The following MALRD1 variants were observed in gnomAD, a reference collection of about 807,000 sequenced individuals.
MALRD1 encodes the protein MAM and LDL receptor class A domain containing 1.
In MALRD1, 247 loss-of-function variants were observed where a neutral mutation model predicts 242.1. The observed-to-expected ratio is 1.02, with a 90% confidence interval of 0.92 to 1.13. The LOEUF (loss-of-function observed/expected upper bound fraction) is 1.13. MALRD1 is among the 50% of genes most tolerant of loss of function. The pLI, the probability that MALRD1 is intolerant of heterozygous loss-of-function variation, is 0.00. For missense variants in MALRD1, 2,989 were observed against 2,533.1 expected (o/e 1.18, Z -3.86); for synonymous variants, 995 against 866.6 (o/e 1.15, Z -2.60).
At chr10:19,564,934 T>G (rs1836184783) in intron 32 of MALRD1, among the ~76,000 whole-genome samples, 1 of 152,170 alleles carries the variant, frequency 6.6e-6, no homozygotes, top group African/African-American at 2.4e-5. Flanking sequence ...TAAGCAATGT[T>G]ATGAGTTCCT....
intron 21 of MALRD1, chr10:19,290,191 TC>T (rs1425153402): frequency 6.6e-6 from 1 of 152,202 alleles, no homozygotes; most frequent in African/African-American, 2.4e-5. Context: ...TAATGGACTA[TC>T]CTTGGTACAT....
At chr10:19,059,537 T>A (rs1564365998) in intron 1 of MALRD1, among the ~76,000 whole-genome samples, 1 of 151,882 alleles carries the variant, frequency 6.6e-6, no homozygotes, top group Non-Finnish European at 1.5e-5. Flanking sequence ...CAGATGCATG[T>A]CACTATACGC....
At chr10:19,331,255 A>AAAAAC (rs1356335388) in intron 23 of MALRD1, 114 bp from the exon 24 acceptor site, 8 of 958,744 alleles carry the variant, frequency 8.3e-6, no homozygotes, top group Non-Finnish European at 1.2e-5. Context: ...AAACAAAAAC[A>AAAAAC]AAAAAACAAA....
At chr10:19,454,988 T>C in intron 29 of MALRD1, among the ~76,000 whole-genome samples, 1 of 152,148 alleles carries the variant, frequency 6.6e-6, no homozygotes, top group Admixed American at 6.6e-5. Context: ...TATATTTTTC[T>C]AAAAAGAAAA....
intron 32 of MALRD1, among the ~76,000 whole-genome samples, chr10:19,534,649 A>G (rs7078195): frequency 0.7 from 106,367 of 152,014 alleles, 40,626 homozygotes; most frequent in Non-Finnish European, 0.84. Context: ...ACCATAAAAC[A>G]AATCTTAAAA....
At chr10:19,429,172 C>A (rs573720068) in intron 28 of MALRD1, among the ~76,000 whole-genome samples, 21 of 152,288 alleles carry the variant, frequency 1.4e-4, no homozygotes, top group African/African-American at 5.1e-4. Context: ...TTACTGTTAT[C>A]TTCACGTTAC....
In MALRD1 at chr10:19,578,647, A is replaced by G. The variant is rs540720834; in HGVS notation, c.5680+10944A>G. ...GCGGAGGTTGCAGTGAGCTGAGATC[A>G]TGTCACTGCACTCCAGCCTGGGGGA... On this transcript the variant is annotated intron_variant, in intron 33 of 39. Transcript: ENST00000454679. Among the ~76,000 whole-genome samples, 10 of 151,792 alleles carry G rather than the reference A, an allele frequency of 6.6e-5. No homozygotes were observed. In the South Asian group the frequency reaches 1.9e-3, roughly 28 times the overall value.
At chr10:19,262,922 A>C (rs977287199) in intron 19 of MALRD1, among the ~76,000 whole-genome samples, 2 of 152,136 alleles carry the variant, frequency 1.3e-5, no homozygotes, top group African/African-American at 2.4e-5. Flanking sequence ...ACTTAGTGTA[A>C]TGGACATGGC....
intron 29 of MALRD1, among the ~76,000 whole-genome samples, chr10:19,478,055 A>G (rs1836823985): frequency 6.6e-6 from 1 of 152,226 alleles, no homozygotes; most frequent in African/African-American, 2.4e-5. Flanking sequence ...TTGTTGGAAA[A>G]GAAATGATTC....
At chr10:19,698,560 G>A (rs567428422) in intron 38 of MALRD1, among the ~76,000 whole-genome samples, 6 of 152,270 alleles carry the variant, frequency 3.9e-5, no homozygotes, top group Admixed American at 3.3e-4. Context: ...TCTTTGGTGA[G>A]AAGTTTTTCC....
At chr10:19,195,153 A>G (rs1284024266) in intron 14 of MALRD1, among the ~76,000 whole-genome samples, 1 of 152,206 alleles carries the variant, frequency 6.6e-6, no homozygotes, top group Admixed American at 6.5e-5. Context: ...AGTGTTCAGG[A>G]TAATCCAGAG....
intron 26 of MALRD1, among the ~76,000 whole-genome samples, chr10:19,360,014 G>T (rs148968337): frequency 6.6e-4 from 101 of 151,958 alleles, no homozygotes; most frequent in East Asian, 5.8e-4. Context: ...GGTAGATATG[G>T]AATACCTTAT....
intron 34 of MALRD1, 104 bp from the exon 35 acceptor site, chr10:19,607,673 A>T: frequency 7.5e-7 from 1 of 1,339,096 alleles, no homozygotes; most frequent in Non-Finnish European, 9.8e-7. Context: ...GAAAAAATCA[A>T]GAGTAATATA....
At chr10:19,654,213 G>A (rs539817354) in intron 36 of MALRD1, among the ~76,000 whole-genome samples, 2 of 139,454 alleles carry the variant, frequency 1.4e-5, no homozygotes, top group Admixed American at 1.5e-4. Context: ...CCATCCAGTG[G>A]GAACAAACAC....
Position 19,352,152 on chromosome 10 carries a change from T to C in MALRD1, c.4296T>C (p.Gly1432=). 6.4e-7 allele frequency: 1 copy of C among 1,550,512 alleles called. No homozygotes were observed. The highest frequency in any genetic ancestry group is 8.7e-7 in the Non-Finnish European group (1 of 1,146,934). The change falls in exon 26 of 40, where the codon GGT becomes GGC. Residue 1432 remains glycine, a synonymous_variant. Coordinates refer to ENST00000454679, the MANE Select transcript of MALRD1 (RefSeq NM_001142308.3). ...GGAGAGAAGAACTGTCACTGTTTGG[T>C]GATGAAGACTTCCAACTCAAATTTG... The part of the protein sequence containing the change: ...FWRREELSLF[G]DEDFQLKFEG...
intron 36 of MALRD1, among the ~76,000 whole-genome samples, chr10:19,625,864 A>G (rs1006993863): frequency 2.6e-5 from 4 of 152,152 alleles, no homozygotes; most frequent in Non-Finnish European, 5.9e-5. Context: ...ATTCTTTACT[A>G]GGTGGAATAC....
intron 21 of MALRD1, among the ~76,000 whole-genome samples, chr10:19,289,090 T>A (rs1841283432): frequency 6.6e-6 from 1 of 152,146 alleles, no homozygotes; most frequent in Non-Finnish European, 1.5e-5. Context: ...TTTTTTTCCT[T>A]GGGCTGCTTC....
intron 28 of MALRD1, among the ~76,000 whole-genome samples, chr10:19,436,079 A>G (rs2486056): frequency 0.72 from 109,072 of 151,908 alleles, 39,291 homozygotes; most frequent in Non-Finnish European, 0.75. Flanking sequence ...GAATTTATTT[A>G]TTTAACCACT....
intron 21 of MALRD1, among the ~76,000 whole-genome samples, chr10:19,315,633 T>TTATATAAATTATAAATATC (rs1842665184): frequency 8.5e-6 from 1 of 117,588 alleles, no homozygotes; most frequent in African/African-American, 3.7e-5. Flanking sequence ...TTATAAATAT[T>TTATATAAATTATAAATATC]ATTTATATAA....
Sources: gnomAD v4.1 joint callset for allele counts (sites outside exome capture counted in the v4.1 genomes callset) on GRCh38, gnomAD v4.1.1 for gene constraint, MANE v1.5 for transcripts, NCBI Gene and HGNC (gene_info 2026-07-23, HGNC 2026-07-21) for gene names.